The following MYOF variants were observed in gnomAD, a reference collection of about 807,000 sequenced individuals.
MYOF encodes the protein fer-1-like 3, myoferlin.
In MYOF, 244 loss-of-function variants were observed where a neutral mutation model predicts 284.2. That is an observed-to-expected ratio of 0.86 (90% confidence interval 0.77 to 0.95). The LOEUF is 0.95. Among genes scored for constraint, MYOF ranks in the 40% least tolerant of loss-of-function variants. The pLI is 0.00. For missense variants in MYOF, 2,496 were observed against 2,560.6 expected (o/e 0.97, Z 0.54); for synonymous variants, 904 against 919.7 (o/e 0.98, Z 0.31).
chr10:93,378,693 G>GTGTATATATATA, intron 21 of MYOF, among the ~76,000 whole-genome samples: 42 of 87,886 alleles, frequency 4.8e-4, no homozygotes, highest in South Asian at 1.1e-3. Context: ...GTGTGTGTGT[G>GTGTATATATATA]TATATATATA....
chr10:93,388,421 G>T (rs1405900438), intron 18 of MYOF, among the ~76,000 whole-genome samples: 1 of 152,212 alleles, frequency 6.6e-6, no homozygotes, highest in Non-Finnish European at 1.5e-5. Context: ...TCTGGGTGCA[G>T]CTGAGCCTGA....
intron 11 of MYOF, 81 bp from the exon 12 acceptor site, chr10:93,401,625 A>G (rs1487454275): frequency 1.3e-6 from 2 of 1,533,482 alleles, no homozygotes; most frequent in Non-Finnish European, 1.8e-6. Flanking sequence ...ATAAAATGAA[A>G]CCATTCAGAA....
intron 48 of MYOF, among the ~76,000 whole-genome samples, chr10:93,321,516 T>C (rs1482904774): frequency 6.6e-6 from 1 of 151,224 alleles, no homozygotes; most frequent in Non-Finnish European, 1.5e-5. Flanking sequence ...CTCAGACTTC[T>C]GAGTAGCTGA....
At chr10:93,373,490 T>A (rs547997114) in intron 23 of MYOF, among the ~76,000 whole-genome samples, 1 of 151,280 alleles carries the variant, frequency 6.6e-6, no homozygotes, top group South Asian at 2.1e-4. Context: ...ATTTGTCAAA[T>A]CTGAAATATT....
rs1589633075 is a variant in MYOF, at chr10:93,482,044, G to A, written c.88+63C>T. The A allele has an allele frequency of 8.2e-6, 12 of 1,459,866 alleles. No individual in the cohort carries two copies. In the South Asian group the frequency reaches 1.3e-4, roughly 15 times the overall value. 90.4% of individuals were successfully genotyped at this position (1,459,866 alleles called of 1,614,324 possible). On this transcript the variant is annotated intron_variant, in intron 1 of 53. Coordinates refer to ENST00000359263, the MANE Select transcript of MYOF (RefSeq NM_013451.4). ...TGTCTAAATGCAGACTTTTCAAGAA[G>A]GTGACTCAAGAAACTAACATTCCAA...
intron 2 of MYOF, among the ~76,000 whole-genome samples, chr10:93,456,022 C>T (rs910005079): frequency 3.3e-5 from 5 of 151,936 alleles, no homozygotes; most frequent in Admixed American, 6.6e-5. Flanking sequence ...GATATAAGGT[C>T]GACAGTGGGG....
intron 15 of MYOF, 132 bp downstream of exon 15, chr10:93,397,115 A>G (rs1474353): frequency 0.98 from 677,882 of 690,738 alleles, 333,663 homozygotes; most frequent in East Asian, 1. Flanking sequence ...AGAAACGCCC[A>G]GTTCCAGGAG....
At chr10:93,310,769 G>A (rs787661) in intron 51 of MYOF, 126 bp from the exon 52 acceptor site, 724,034 of 851,276 alleles carry the variant, frequency 0.85, 308,286 homozygotes, top group East Asian at 0.89. Context: ...ATTGCCTTCA[G>A]TTTTCCTCAA....
At chr10:93,323,025 GGA>G in intron 48 of MYOF, 51 bp downstream of exon 48, 3 of 1,515,230 alleles carry the variant, frequency 2.0e-6, no homozygotes, top group South Asian at 1.1e-5. Flanking sequence ...AACTCACGAA[GGA>G]GAGAGTCTGT....
rs369425898 is a variant in MYOF, at chr10:93,431,455, G to A, written c.298C>T (p.Pro100Ser). 47 of 1,613,908 alleles carry A rather than the reference G, an allele frequency of 2.9e-5. No individual in the cohort carries two copies. Among genetic ancestry groups the A allele is most frequent in the Non-Finnish European group, 3.8e-5 (45 of 1,179,958 alleles). Residue 100 changes from proline (P) to serine (S), a missense_variant, in exon 4 of 54, where the codon CCG (proline) becomes TCG (serine). Transcript: ENST00000359263. ...TTTAGCAGGGAGATCAGCTTGTACG[G>A]CAGGGATCTGCTCTGGTCACCAGTC... ...DLTGDQSRSL[P>S]YKLISLLNEK...
At chr10:93,443,765 T>C (rs2056347588) in intron 3 of MYOF, among the ~76,000 whole-genome samples, 1 of 152,202 alleles carries the variant, frequency 6.6e-6, no homozygotes, top group African/African-American at 2.4e-5. Flanking sequence ...TATTTTGTTT[T>C]AGTTGTGTCA....
chr10:93,443,180 G>T (rs1455342847), intron 3 of MYOF, among the ~76,000 whole-genome samples: 1 of 151,990 alleles, frequency 6.6e-6, no homozygotes, highest in African/African-American at 2.4e-5. Context: ...TTTTTTTAAA[G>T]AATTATAATA....
rs1199546086 is a variant in MYOF, at chr10:93,316,724, A to C, written c.5688T>G (p.Asp1896Glu). 6.2e-7 allele frequency: 1 copy of C among 1,612,718 alleles called. No individual in the cohort carries two copies. The highest frequency in any genetic ancestry group is 8.5e-7 in the Non-Finnish European group (1 of 1,178,704). Residue 1896 changes from aspartate to glutamate, a missense_variant, in exon 50 of 54, where the codon GAT (aspartate) becomes GAG (glutamate). Asp to Glu is a conservative substitution (Grantham distance 45). This residue lies in a region of MYOF where 2,436 missense variants were observed against 2,480.7 expected (regional missense o/e 0.98). Transcript: ENST00000359263. ...QIWDNDKFSL[D>E]DYLGFLELDL... ...AAATGTAAGCCCTACCCAAGTAGTC[A>C]TCCAGAGAAAACTTGTCATTGTCCC...
At chr10:93,338,042 CTT>C in intron 39 of MYOF, 129 bp from the exon 40 acceptor site, 1 of 697,000 alleles carries the variant, frequency 1.4e-6, no homozygotes, top group Non-Finnish European at 2.5e-6. Flanking sequence ...GATTATATGA[CTT>C]TTGTTTACAT....
chr10:93,406,114 C>T (rs1847556567), intron 7 of MYOF, among the ~76,000 whole-genome samples: 1 of 150,740 alleles, frequency 6.6e-6, no homozygotes, highest in Non-Finnish European at 1.5e-5. Context: ...TGTGCCACCA[C>T]ACCCGGCTAA....
At chr10:93,446,009 T>TAA (rs11442920) in intron 3 of MYOF, among the ~76,000 whole-genome samples, 2 of 148,946 alleles carry the variant, frequency 1.3e-5, no homozygotes, top group East Asian at 2.0e-4. Flanking sequence ...CCCAGATGGT[T>TAA]AAAAAAAAAA....
chr10:93,404,367 G>GAGTTTAAGCCCTGC lies in MYOF; in HGVS notation c.730-162_730-149dup, dbSNP rs1311780596. On this transcript the variant is annotated intron_variant, in intron 7 of 53. Transcript: ENST00000359263. ...CCATGTGAACACATGGCAAGGCCTG[G>GAGTTTAAGCCCTGC]AGTTTAAGCCCTGCAGTTTAAGCTT... 6.7e-6 allele frequency: 5 copies of GAGTTTAAGCCCTGC among 751,450 alleles called. No individual in the cohort carries two copies. The African/African-American group carries it at 8.8e-5, about 13-fold the overall frequency. 46.5% of individuals were successfully genotyped at this position (751,450 alleles called of 1,614,324 possible). A position where few individuals can be genotyped will look rare whatever the true frequency, so the allele number is the denominator to read the frequency against.
At chr10:93,435,902 T>C (rs1849094996) in intron 3 of MYOF, among the ~76,000 whole-genome samples, 1 of 109,190 alleles carries the variant, frequency 9.2e-6, no homozygotes, top group Non-Finnish European at 2.3e-5. Context: ...AGACCTTGTC[T>C]CAAAAATAAT....
chr10:93,311,839 A>C (rs1236759837), intron 51 of MYOF, among the ~76,000 whole-genome samples: 1 of 152,170 alleles, frequency 6.6e-6, no homozygotes, highest in African/African-American at 2.4e-5. Context: ...AAGTGGGGAC[A>C]ATGTCTACTT....
Sources: allele counts gnomAD v4.1 joint callset (sites outside exome capture counted in the v4.1 genomes callset), GRCh38; gene constraint gnomAD v4.1.1; regional missense constraint gnomAD v4.1.1; transcripts MANE v1.5; gene names NCBI Gene and HGNC (gene_info 2026-07-23, HGNC 2026-07-21).